The following ZNF385D variants were observed in gnomAD, a reference collection of about 807,000 sequenced individuals.
ZNF385D encodes the protein zinc finger protein 385D.
Under a neutral mutation model 35.8 loss-of-function variants are expected in ZNF385D, and 15 were observed. The observed-to-expected ratio is 0.42, with a 90% CI of 0.28 to 0.64. The LOEUF is 0.64. Among genes scored for constraint, ZNF385D ranks in the 30% least tolerant of loss-of-function variants. ZNF385D has a pLI of 0.23. For missense variants in ZNF385D, 474 were observed against 494.6 expected (o/e 0.96, Z 0.39); for synonymous variants, 212 against 186.8 (o/e 1.13, Z -1.10).
chr3:22,160,853 T>C (rs935763577), intron 3 of ZNF385D, among the ~76,000 whole-genome samples: 1 of 152,142 alleles, frequency 6.6e-6, no homozygotes, highest in Non-Finnish European at 1.5e-5. Flanking sequence ...GTCAACTTGT[T>C]ACTCAATCCT....
chr3:22,089,488 T>A (rs2125598766), intron 3 of ZNF385D, among the ~76,000 whole-genome samples: 1 of 152,298 alleles, frequency 6.6e-6, no homozygotes, highest in East Asian at 1.9e-4. Flanking sequence ...ACGCAATTTC[T>A]GCAACACCTG....
intron 3 of ZNF385D, among the ~76,000 whole-genome samples, chr3:21,900,255 T>C (rs1167586822): frequency 6.6e-6 from 1 of 152,154 alleles, no homozygotes; most frequent in Non-Finnish European, 1.5e-5. Flanking sequence ...CGTCTCACCT[T>C]ATTTAGCAAA....
At chr3:21,596,745 T>C (rs2064139716) in intron 2 of ZNF385D, among the ~76,000 whole-genome samples, 3 of 151,860 alleles carry the variant, frequency 2.0e-5, no homozygotes, top group Admixed American at 2.0e-4. Context: ...TTCCAAAGTA[T>C]TGGGATTACA....
intron 3 of ZNF385D, among the ~76,000 whole-genome samples, chr3:21,522,088 T>C (rs1707943243): frequency 6.6e-6 from 1 of 152,108 alleles, no homozygotes; most frequent in South Asian, 2.1e-4. Flanking sequence ...AAATTCTAGA[T>C]ATGGATGAAA....
At chr3:21,473,133 C>A (rs184454531) in intron 4 of ZNF385D, among the ~76,000 whole-genome samples, 2 of 152,028 alleles carry the variant, frequency 1.3e-5, no homozygotes, top group African/African-American at 4.8e-5. Flanking sequence ...AAGCTAACTC[C>A]TACTTAATCC....
intron 3 of ZNF385D, among the ~76,000 whole-genome samples, chr3:21,931,486 A>G (rs991094294): frequency 2.0e-5 from 3 of 152,222 alleles, no homozygotes; most frequent in African/African-American, 7.2e-5. Flanking sequence ...AAAATGTATT[A>G]TTTATAATAA....
intron 1 of ZNF385D, among the ~76,000 whole-genome samples, chr3:21,684,976 TGCTTTAGA>T (rs964219366): frequency 1.3e-5 from 2 of 152,198 alleles, no homozygotes; most frequent in African/African-American, 4.8e-5. Flanking sequence ...TTTAAGCTAA[TGCTTTAGA>T]GCAGTTAGCA....
At chr3:22,117,134 T>C (rs951812172) in intron 3 of ZNF385D, among the ~76,000 whole-genome samples, 2 of 152,010 alleles carry the variant, frequency 1.3e-5, no homozygotes, top group African/African-American at 4.8e-5. Context: ...TATGTCATGG[T>C]ATCTAAAACA....
chr3:21,783,299 T>C (rs901509736), intron 3 of ZNF385D, among the ~76,000 whole-genome samples: 3 of 152,134 alleles, frequency 2.0e-5, no homozygotes, highest in Non-Finnish European at 4.4e-5. Context: ...AGGGCTTCCA[T>C]TAAATTATAT....
intron 2 of ZNF385D, among the ~76,000 whole-genome samples, chr3:21,601,993 C>T (rs577323941): frequency 1.9e-4 from 29 of 152,280 alleles, no homozygotes; most frequent in Admixed American, 9.2e-4. Flanking sequence ...ATACCCGAGA[C>T]TGGGTAATTT....
intron 2 of ZNF385D, among the ~76,000 whole-genome samples, chr3:21,585,687 A>C (rs372734529): frequency 6.6e-6 from 1 of 152,050 alleles, no homozygotes; most frequent in Non-Finnish European, 1.5e-5. Context: ...ATTTCAAACT[A>C]CTCCAAAACA....
intron 2 of ZNF385D, among the ~76,000 whole-genome samples, chr3:21,580,637 A>T (rs1169386859): frequency 1.5e-4 from 23 of 152,008 alleles, no homozygotes. Flanking sequence ...TTTTATACAC[A>T]TTCCTTCTCT....
chr3:21,830,333 G>A (rs1187913559), intron 3 of ZNF385D, among the ~76,000 whole-genome samples: 1 of 152,150 alleles, frequency 6.6e-6, no homozygotes, highest in Non-Finnish European at 1.5e-5. Context: ...CTGAGTTGAT[G>A]AGCTGTTTGG....
chr3:21,814,485 G>A (rs2073063543), intron 3 of ZNF385D, among the ~76,000 whole-genome samples: 1 of 152,142 alleles, frequency 6.6e-6, no homozygotes, highest in African/African-American at 2.4e-5. Flanking sequence ...AGGGATGGAG[G>A]AAGATCTACC....
At chr3:21,572,838 A>G (rs2063374117) in intron 2 of ZNF385D, among the ~76,000 whole-genome samples, 1 of 152,190 alleles carries the variant, frequency 6.6e-6, no homozygotes, top group Non-Finnish European at 1.5e-5. Flanking sequence ...ATATTAGAAG[A>G]AAACAATAAT....
intron 3 of ZNF385D, among the ~76,000 whole-genome samples, chr3:22,022,024 C>T (rs770729688): frequency 5.3e-5 from 8 of 152,120 alleles, no homozygotes; most frequent in Non-Finnish European, 8.8e-5. Flanking sequence ...ATAAAGGCTA[C>T]GTGGTTAACA....
At chr3:21,504,523 A>G (rs1012386823) in intron 4 of ZNF385D, among the ~76,000 whole-genome samples, 2 of 152,198 alleles carry the variant, frequency 1.3e-5, no homozygotes, top group Admixed American at 1.3e-4. Context: ...TACTCTGTAA[A>G]TAAAAACATA....
chr3:22,196,183 A>G (rs1163357170), intron 2 of ZNF385D, among the ~76,000 whole-genome samples: 3 of 152,062 alleles, frequency 2.0e-5, no homozygotes, highest in Non-Finnish European at 1.5e-5. Flanking sequence ...AAGTTAAAAA[A>G]TAAATAAATA....
At chr3:22,060,406 C>T (rs1699630678) in intron 3 of ZNF385D, among the ~76,000 whole-genome samples, 1 of 152,188 alleles carries the variant, frequency 6.6e-6, no homozygotes, top group Non-Finnish European at 1.5e-5. Context: ...CAACCATCCA[C>T]ACATATTCTA....
Sources: gnomAD v4.1 joint callset for allele counts (sites outside exome capture counted in the v4.1 genomes callset) on GRCh38, gnomAD v4.1.1 for gene constraint, MANE v1.5 for transcripts, NCBI Gene and HGNC (gene_info 2026-07-23, HGNC 2026-07-21) for gene names.